The following SBF2 variants were observed in gnomAD, a reference collection of about 807,000 sequenced individuals.
SBF2 encodes SET binding factor 2, also known as myotubularin-related protein 13.
A neutral mutation model predicts 225.2 loss-of-function variants in SBF2; 112 were observed. The ratio of observed to expected loss-of-function variants is 0.50; its 90% CI spans 0.43 to 0.58. SBF2 has a LOEUF of 0.58. SBF2 is among the 20% of genes least tolerant of loss of function. The pLI is 0.00. For synonymous variants in SBF2, 763 were observed against 773.3 expected, an observed-to-expected ratio of 0.99 and a Z score of 0.22; for missense variants, 1,996 against 2,206.2, an observed-to-expected ratio of 0.90 and a Z score of 1.91.
At chr11:10,162,983 T>C (rs898354160) in intron 2 of SBF2, among the ~76,000 whole-genome samples, 1 of 149,448 alleles carries the variant, frequency 6.7e-6, no homozygotes, top group Non-Finnish European at 1.5e-5. Context: ...GCAAATTGCT[T>C]CCTATATGTT....
chr11:9,964,984 T>C (rs1866806112), intron 14 of SBF2, among the ~76,000 whole-genome samples: 1 of 152,192 alleles, frequency 6.6e-6, no homozygotes, highest in Admixed American at 6.5e-5. Flanking sequence ...TGATGTATAT[T>C]GTAGCCATTA....
intron 1 of SBF2, among the ~76,000 whole-genome samples, chr11:10,256,113 G>A (rs1565406592): frequency 6.6e-6 from 1 of 152,130 alleles, no homozygotes; most frequent in Non-Finnish European, 1.5e-5. Context: ...AAATGTGGGG[G>A]AATATGAAAA....
At chr11:10,204,448 G>A (rs751454728) in intron 1 of SBF2, among the ~76,000 whole-genome samples, 1 of 151,964 alleles carries the variant, frequency 6.6e-6, no homozygotes, top group Non-Finnish European at 1.5e-5. Flanking sequence ...AGACCATCCT[G>A]GCCAACATGG....
chr11:10,026,281 C>T (rs1949051917), intron 6 of SBF2, among the ~76,000 whole-genome samples: 1 of 152,104 alleles, frequency 6.6e-6, no homozygotes, highest in Non-Finnish European at 1.5e-5. Flanking sequence ...CCTTCTATAC[C>T]TTTTCATAGT....
intron 2 of SBF2, among the ~76,000 whole-genome samples, chr11:10,068,036 G>C (rs1183678629): frequency 6.6e-6 from 1 of 152,204 alleles, no homozygotes; most frequent in Non-Finnish European, 1.5e-5. Context: ...TCTTAAAGCA[G>C]GGGATAATGA....
At chr11:10,026,411 G>C (rs973473811) in intron 6 of SBF2, among the ~76,000 whole-genome samples, 1 of 152,070 alleles carries the variant, frequency 6.6e-6, no homozygotes, top group Admixed American at 6.5e-5. Context: ...CCACAGACAA[G>C]CTGCAGGTAG....
At chr11:9,870,805 C>G (rs187684539) in intron 17 of SBF2, among the ~76,000 whole-genome samples, 1 of 152,130 alleles carries the variant, frequency 6.6e-6, no homozygotes, top group Non-Finnish European at 1.5e-5. Context: ...GAAACCCCGG[C>G]TCTACTAAAA....
intron 2 of SBF2, among the ~76,000 whole-genome samples, chr11:10,066,538 C>A (rs1950630050): frequency 1.3e-5 from 2 of 151,982 alleles, no homozygotes; most frequent in Admixed American, 6.6e-5. Flanking sequence ...CATTTCAATA[C>A]AAACAGAAAA....
intron 16 of SBF2, among the ~76,000 whole-genome samples, chr11:9,955,807 G>T (rs1023568057): frequency 9.9e-5 from 15 of 151,920 alleles, no homozygotes; most frequent in African/African-American, 3.1e-4. Context: ...CATGTTTACT[G>T]CCCCTCCTCT....
At position 10,174,206 on chromosome 11, in the gene SBF2, G is replaced by C. The variant is rs943819001; in HGVS notation, c.141+19696C>G. Among the ~76,000 whole-genome samples, 57 of 152,246 alleles carry C rather than the reference G, an allele frequency of 3.7e-4. 1 individual carries two copies. Among genetic ancestry groups the C allele is most frequent in the African/African-American group, 1.2e-3 (51 of 41,558 alleles). ...GACAAGAAGGCTTCAGACGATCAAA[G>C]TACTCTGAGCTACGGGAGGAAATTC... On this transcript the variant is annotated intron_variant, in intron 2 of 39. Transcript: ENST00000256190.
At chr11:9,784,541 A>T in intron 37 of SBF2, 103 bp from the exon 38 acceptor site, 1 of 907,138 alleles carries the variant, frequency 1.1e-6, no homozygotes, top group Non-Finnish European at 1.8e-6. Flanking sequence ...TATTTCCCCT[A>T]GATGATTCAA....
At chr11:10,188,530 T>C (rs1247603046) in intron 2 of SBF2, among the ~76,000 whole-genome samples, 1 of 152,142 alleles carries the variant, frequency 6.6e-6, no homozygotes, top group Non-Finnish European at 1.5e-5. Context: ...AGTACGTGAC[T>C]GTAGGGGAAA....
At chr11:9,969,309 T>A (rs1432896252) in intron 13 of SBF2, among the ~76,000 whole-genome samples, 1 of 152,204 alleles carries the variant, frequency 6.6e-6, no homozygotes, top group East Asian at 1.9e-4. Context: ...AACAGTCTCC[T>A]AGTCTCCCTG....
chr11:10,245,133 CA>C (rs60827616), intron 1 of SBF2, among the ~76,000 whole-genome samples: 14,842 of 92,502 alleles, frequency 0.16, 576 homozygotes, highest in African/African-American at 0.24. Context: ...GACCCTGTCT[CA>C]AAAAAAAAAA....
intron 10 of SBF2, among the ~76,000 whole-genome samples, 195 bp downstream of exon 10, chr11:9,993,726 C>G (rs1947541866): frequency 6.6e-6 from 1 of 152,190 alleles, no homozygotes; most frequent in Non-Finnish European, 1.5e-5. Context: ...GGCCTCTTGC[C>G]CAGTGAACTT....
chr11:10,006,451 G>A (rs928437318), intron 6 of SBF2, among the ~76,000 whole-genome samples: 2 of 152,076 alleles, frequency 1.3e-5, no homozygotes, highest in Non-Finnish European at 2.9e-5. Flanking sequence ...TGAGTTTTCC[G>A]GTGGCTTTTG....
intron 2 of SBF2, among the ~76,000 whole-genome samples, chr11:10,135,779 A>G (rs1591040250): frequency 6.6e-6 from 1 of 152,272 alleles, no homozygotes; most frequent in East Asian, 1.9e-4. Flanking sequence ...CCATTCAACA[A>G]GTCTAGGAGG....
intron 19 of SBF2, among the ~76,000 whole-genome samples, chr11:9,853,989 C>G (rs1460872639): frequency 2.6e-5 from 4 of 152,074 alleles, no homozygotes; most frequent in Non-Finnish European, 4.4e-5. Context: ...AGTCACTCTC[C>G]CAAAAGGAAT....
chr11:9,942,899 G>GAC (rs879563634), intron 16 of SBF2, among the ~76,000 whole-genome samples: 2 of 60,554 alleles, frequency 3.3e-5, no homozygotes, highest in Admixed American at 4.9e-4. Flanking sequence ...GAAAGAGAGA[G>GAC]AGAGAAAGAA....
Sources: gnomAD v4.1 joint callset for allele counts (sites outside exome capture counted in the v4.1 genomes callset) on GRCh38, gnomAD v4.1.1 for gene constraint, MANE v1.5 for transcripts, NCBI Gene and HGNC (gene_info 2026-07-23, HGNC 2026-07-21) for gene names.